Variants in SLC4A4 observed in about 807,000 individuals in gnomAD.
SLC4A4 encodes solute carrier family 4 member 4.
SLC4A4 carries 27 observed loss-of-function variants against 111.5 expected under a neutral mutation model. The observed-to-expected ratio is 0.24, with a 90% CI of 0.18 to 0.33. The LOEUF is 0.33. Ranked by LOEUF, SLC4A4 falls within the 10% of genes least tolerant of loss-of-function variation. The pLI, the probability that SLC4A4 is intolerant of heterozygous loss-of-function variation, is 1.00. For missense variants in SLC4A4, 909 were observed against 1,315.5 expected (o/e 0.69, Z 4.78); for synonymous variants, 443 against 463.4 (o/e 0.96, Z 0.57).
At position 71,571,101 on chromosome 4, in the gene SLC4A4, A is replaced by G. The variant is rs1425300346; in HGVS notation, c.*3350A>G. Reference sequence around the variant, plus strand: ...TTTTATCAACTGTATACTGGTGTTTAATAGAGAATGATTGTCTTCCGAGTT... The same window carrying G: ...TTTTATCAACTGTATACTGGTGTTTGATAGAGAATGATTGTCTTCCGAGTT... On this transcript the variant is annotated 3_prime_UTR_variant, in exon 26 of 26. Coordinates refer to ENST00000264485, the MANE Select transcript of SLC4A4 (RefSeq NM_001098484.3). 1.3e-5 allele frequency: 2 copies of G among 152,276 alleles called. No individual in the cohort carries two copies. The highest frequency in any genetic ancestry group is 3.9e-4 in the East Asian group (2 of 5,158). The allele number at this position is 152,276 out of a possible 1,614,324, so 9.4% of individuals were successfully genotyped here. A position where few individuals can be genotyped will look rare whatever the true frequency, so the allele number is the denominator to read the frequency against.
intron 1 of SLC4A4, among the ~76,000 whole-genome samples, chr4:71,072,094 T>C (rs1486686179): frequency 6.6e-6 from 1 of 152,210 alleles, no homozygotes; most frequent in Non-Finnish European, 1.5e-5. Flanking sequence ...AAAATTTGTA[T>C]GTATTTGAAT....
At chr4:71,227,297 G>A (rs1419839719) in intron 1 of SLC4A4, among the ~76,000 whole-genome samples, 1 of 152,196 alleles carries the variant, frequency 6.6e-6, no homozygotes. Context: ...GGTAGGACCT[G>A]AGCTTACGTT....
In SLC4A4 at chr4:71,090,091, A is replaced by G. The variant is rs187860123; in HGVS notation, c.-64-2639A>G. Among the ~76,000 whole-genome samples, 178 of 152,136 alleles carry G rather than the reference A, an allele frequency of 1.2e-3. 2 individuals are homozygous for G. Among genetic ancestry groups the G allele is most frequent in the African/African-American group, 4.2e-3 (173 of 41,438 alleles). On this transcript the variant is annotated intron_variant, in intron 1 of 26. Transcript: ENST00000649996. The stretch of plus-strand genomic sequence containing the variant: ...TTTGTTTACCTACTCAAGCCTTAGC[A>G]ATGGCGGGCGCCACTCCCCCAGCCT...
chr4:71,335,105 C>T (rs910074092), intron 3 of SLC4A4, among the ~76,000 whole-genome samples: 4 of 152,126 alleles, frequency 2.6e-5, no homozygotes, highest in African/African-American at 9.7e-5. Context: ...CAAAAAACTA[C>T]CTATTGGGTA....
intron 2 of SLC4A4, among the ~76,000 whole-genome samples, chr4:71,145,864 G>T (rs533475422): frequency 2.6e-5 from 4 of 152,172 alleles, no homozygotes; most frequent in Admixed American, 2.6e-4. Context: ...CTTGCTAGCG[G>T]TCTATCAATT....
At chr4:71,190,986 C>T (rs1471052986) in intron 1 of SLC4A4, among the ~76,000 whole-genome samples, 1 of 152,182 alleles carries the variant, frequency 6.6e-6, no homozygotes, top group Non-Finnish European at 1.5e-5. Flanking sequence ...ACTTCGAGTA[C>T]TGGTAACAAC....
chr4:71,379,345 C>T (rs1175027389), intron 6 of SLC4A4, among the ~76,000 whole-genome samples: 8 of 152,126 alleles, frequency 5.3e-5, no homozygotes, highest in Admixed American at 2.6e-4. Context: ...ACTACAAGCT[C>T]TTGTAATTTA....
intron 3 of SLC4A4, among the ~76,000 whole-genome samples, chr4:71,314,062 C>G (rs981198909): frequency 6.6e-6 from 1 of 151,736 alleles, no homozygotes; most frequent in Non-Finnish European, 1.5e-5. Flanking sequence ...GGAACTTAAA[C>G]AAATTTACAA....
chr4:71,505,853 G>A (rs1212912533), intron 16 of SLC4A4, among the ~76,000 whole-genome samples: 1 of 151,988 alleles, frequency 6.6e-6, no homozygotes, highest in Non-Finnish European at 1.5e-5. Flanking sequence ...AATCCATCTT[G>A]AGTTAATTTT....
chr4:71,397,786 G>C (rs971049467), intron 7 of SLC4A4, 133 bp downstream of exon 7: 1 of 783,376 alleles, frequency 1.3e-6, no homozygotes, highest in East Asian at 2.6e-5. Flanking sequence ...GCACTTTCCT[G>C]GGCAGAAGGA....
At chr4:71,163,825 A>T (rs1176704321) in intron 2 of SLC4A4, among the ~76,000 whole-genome samples, 1 of 152,216 alleles carries the variant, frequency 6.6e-6, no homozygotes, top group Non-Finnish European at 1.5e-5. Context: ...AGCCCAAAAC[A>T]TTTACTATCT....
At chr4:71,217,150 G>A (rs948038468) in intron 1 of SLC4A4, among the ~76,000 whole-genome samples, 1 of 152,100 alleles carries the variant, frequency 6.6e-6, no homozygotes, top group Non-Finnish European at 1.5e-5. Flanking sequence ...TTTTTTTAAA[G>A]CAATTTAATC....
At chr4:71,383,689 C>T (rs897357282) in intron 6 of SLC4A4, among the ~76,000 whole-genome samples, 2 of 152,186 alleles carry the variant, frequency 1.3e-5, no homozygotes, top group African/African-American at 4.8e-5. Flanking sequence ...CTGAGCAAGA[C>T]ACTTCCACAT....
upstream of SLC4A4, among the ~76,000 whole-genome samples, chr4:71,186,586 A>G (rs1745457754): frequency 6.6e-6 from 1 of 151,670 alleles, no homozygotes; most frequent in Non-Finnish European, 1.5e-5. Flanking sequence ...ACAGAGCCCA[A>G]GCCCCCGGCG....
chr4:71,276,540 GA>G (rs1045785561), intron 3 of SLC4A4, among the ~76,000 whole-genome samples: 2 of 150,088 alleles, frequency 1.3e-5, no homozygotes, highest in Non-Finnish European at 3.0e-5. Flanking sequence ...CTATATAAAT[GA>G]AATCATATGG....
intron 1 of SLC4A4, among the ~76,000 whole-genome samples, chr4:71,072,725 C>CT (rs1035578147): frequency 1.3e-5 from 2 of 151,300 alleles, no homozygotes; most frequent in African/African-American, 2.4e-5. Context: ...TATTTTGGTC[C>CT]TTTTTTTTGT....
intron 3 of SLC4A4, among the ~76,000 whole-genome samples, chr4:71,301,947 TTTC>T (rs1725299089): frequency 2.6e-5 from 4 of 152,262 alleles, no homozygotes; most frequent in African/African-American, 9.6e-5. Flanking sequence ...TGAAGAGCAC[TTTC>T]TATAAGTCAA....
chr4:71,319,605 C>T (rs1301895064), intron 3 of SLC4A4, among the ~76,000 whole-genome samples: 1 of 151,884 alleles, frequency 6.6e-6, no homozygotes, highest in Non-Finnish European at 1.5e-5. Context: ...GGTATTACTT[C>T]TCAAAGAAAA....
At chr4:71,521,438 C>T (rs1363441426) in intron 16 of SLC4A4, among the ~76,000 whole-genome samples, 4 of 151,942 alleles carry the variant, frequency 2.6e-5, no homozygotes, top group East Asian at 1.9e-4. Context: ...GTTACTGTGT[C>T]GCCCAGGCTA....
Sources: allele counts gnomAD v4.1 joint callset (sites outside exome capture counted in the v4.1 genomes callset), GRCh38; gene constraint gnomAD v4.1.1; transcripts MANE v1.5; gene names NCBI Gene and HGNC (gene_info 2026-07-23, HGNC 2026-07-21).